Variants in WASL observed in about 807,000 individuals in gnomAD.
The protein encoded by WASL is WASP like actin nucleation promoting factor, also known as actin nucleation-promoting factor WASL.
A neutral mutation model predicts 55.5 loss-of-function variants in WASL; 20 were observed. That is an observed-to-expected ratio of 0.36 (90% CI 0.25 to 0.52). The LOEUF (loss-of-function observed/expected upper bound fraction) is 0.52, where lower values mean the gene tolerates loss of function less well. WASL is among the 20% of genes least tolerant of loss of function. The pLI is 0.92. For synonymous variants in WASL, 249 were observed against 217.6 expected, an observed-to-expected ratio of 1.14 and a Z score of -1.27; for missense variants, 504 against 622.5, an observed-to-expected ratio of 0.81 and a Z score of 2.03.
chr7:123,704,581 G>A, intron 5 of WASL, 53 bp downstream of exon 5: 3 of 1,397,546 alleles, frequency 2.1e-6, no homozygotes, highest in Non-Finnish European at 3.0e-6. Flanking sequence ...TTTCCACAAG[G>A]ATTAAACTGT....
At chr7:123,686,577 T>C (rs1449453199) in intron 10 of WASL, among the ~76,000 whole-genome samples, 1 of 152,048 alleles carries the variant, frequency 6.6e-6, no homozygotes, top group Non-Finnish European at 1.5e-5. Context: ...TTACATACTA[T>C]TAAAAAAAAA....
At chr7:123,730,350 A>T (rs1255326878) in intron 1 of WASL, among the ~76,000 whole-genome samples, 1 of 152,136 alleles carries the variant, frequency 6.6e-6, no homozygotes. Context: ...TTAAAATAAC[A>T]GTAGACACAA....
At chr7:123,722,339 T>C (rs920550379) in intron 1 of WASL, among the ~76,000 whole-genome samples, 1 of 152,168 alleles carries the variant, frequency 6.6e-6, no homozygotes, top group Non-Finnish European at 1.5e-5. Flanking sequence ...CACAAAGGAA[T>C]GTTCCTAATA....
intron 1 of WASL, among the ~76,000 whole-genome samples, chr7:123,737,675 T>C (rs1804261292): frequency 6.6e-6 from 1 of 151,594 alleles, no homozygotes; most frequent in Non-Finnish European, 1.5e-5. Context: ...ACTAGCCATT[T>C]ATAAAAATAA....
chr7:123,726,436 G>C (rs1804040915), intron 1 of WASL, among the ~76,000 whole-genome samples: 1 of 152,036 alleles, frequency 6.6e-6, no homozygotes, highest in Admixed American at 6.5e-5. Context: ...AGCAGCAGAA[G>C]ACTGTGACTG....
chr7:123,729,441 C>G (rs1251595115), intron 1 of WASL, among the ~76,000 whole-genome samples: 1 of 152,066 alleles, frequency 6.6e-6, no homozygotes, highest in Non-Finnish European at 1.5e-5. Flanking sequence ...GAGTAAGACA[C>G]AGTATTTTTT....
intron 5 of WASL, among the ~76,000 whole-genome samples, chr7:123,698,888 T>C (rs1032498475): frequency 6.6e-6 from 1 of 152,144 alleles, no homozygotes; most frequent in African/African-American, 2.4e-5. Context: ...GAGGGTTGAA[T>C]TGGGGTTACA....
In WASL at chr7:123,683,606, A is replaced by C. The variant is rs527534912; in HGVS notation, c.*913T>G. ...CAATCCACACAAAGTGCAAAATAAA[A>C]ATGCTAAAATTCTACAGTATTTTAG... On this transcript the variant is annotated 3_prime_UTR_variant, in exon 11 of 11. Transcript: ENST00000223023. The C allele has an allele frequency of 6.6e-6, 1 of 152,118 alleles. No individual in the cohort carries two copies. Among genetic ancestry groups the C allele is most frequent in the African/African-American group, 2.4e-5 (1 of 41,538 alleles). The allele number at this position is 152,118 out of a possible 1,614,324, so 9.4% of individuals were successfully genotyped here.
intron 5 of WASL, among the ~76,000 whole-genome samples, chr7:123,703,994 A>G (rs1211808941): frequency 6.6e-6 from 1 of 152,142 alleles, no homozygotes; most frequent in Non-Finnish European, 1.5e-5. Context: ...TAGAGTAAGA[A>G]TTTCTACCCC....
At position 123,682,510 on chromosome 7, in the gene WASL, A is replaced by C. The variant is rs1282569720; in HGVS notation, c.*2009T>G. 1.3e-5 allele frequency: 2 copies of C among 152,170 alleles called. No individual in the cohort carries two copies. Among genetic ancestry groups the C allele is most frequent in the African/African-American group, 4.8e-5 (2 of 41,442 alleles). 9.4% of individuals were successfully genotyped at this position (152,170 alleles called of 1,614,324 possible). Reference sequence around the variant, plus strand: ...CTCGAAGAATGGGTACTCTCTGCTGAGAGAAGTTCCTGATAAATATATATT... The same window carrying C: ...CTCGAAGAATGGGTACTCTCTGCTGCGAGAAGTTCCTGATAAATATATATT... On this transcript the variant is annotated 3_prime_UTR_variant, in exon 11 of 11. Coordinates refer to ENST00000223023, the MANE Select transcript of WASL (RefSeq NM_003941.4).
At chr7:123,733,570 G>T (rs1804175049) in intron 1 of WASL, among the ~76,000 whole-genome samples, 1 of 152,086 alleles carries the variant, frequency 6.6e-6, no homozygotes, top group African/African-American at 2.4e-5. Flanking sequence ...TGGATCTATA[G>T]ATTCAATAGA....
chr7:123,733,575 A>G (rs1221976844), intron 1 of WASL, among the ~76,000 whole-genome samples: 1 of 152,220 alleles, frequency 6.6e-6, no homozygotes, highest in Non-Finnish European at 1.5e-5. Context: ...CTATAGATTC[A>G]ATAGAATCCC....
chr7:123,697,421 G>A (rs1803511411), intron 5 of WASL, among the ~76,000 whole-genome samples: 1 of 152,070 alleles, frequency 6.6e-6, no homozygotes, highest in Admixed American at 6.6e-5. Context: ...CTTCAGAAGT[G>A]GTACTAAATG....
At chr7:123,722,554 A>T (rs1803965684) in intron 1 of WASL, among the ~76,000 whole-genome samples, 1 of 152,202 alleles carries the variant, frequency 6.6e-6, no homozygotes, top group African/African-American at 2.4e-5. Flanking sequence ...ATGGTGGCTC[A>T]CGCCTGTAAT....
intron 1 of WASL, among the ~76,000 whole-genome samples, chr7:123,717,085 G>A (rs1218321630): frequency 2.0e-5 from 3 of 151,848 alleles, no homozygotes; most frequent in Non-Finnish European, 2.9e-5. Flanking sequence ...TTTCTCTAAC[G>A]CCCCCTTTTG....
chr7:123,723,713 T>G (rs902394811), intron 1 of WASL, among the ~76,000 whole-genome samples: 1 of 152,192 alleles, frequency 6.6e-6, no homozygotes, highest in Non-Finnish European at 1.5e-5. Flanking sequence ...AGGAGAGGCT[T>G]GGAGTTCAGA....
At chr7:123,698,190 C>G (rs539001464) in intron 5 of WASL, among the ~76,000 whole-genome samples, 1 of 151,992 alleles carries the variant, frequency 6.6e-6, no homozygotes, top group African/African-American at 2.4e-5. Context: ...TGGTGAATCA[C>G]CACCTCTGAG....
chr7:123,682,370 T>G lies in WASL; in HGVS notation c.*2149A>C, dbSNP rs1045712790. ...CTGCTGTGTTTCAACCAACAGTAATTTAGACTTTTTGTAACAACAACCAAT... is the reference window on the plus strand; with the variant it reads ...CTGCTGTGTTTCAACCAACAGTAATGTAGACTTTTTGTAACAACAACCAAT... On this transcript the variant is annotated 3_prime_UTR_variant, in exon 11 of 11. Coordinates refer to ENST00000223023, the MANE Select transcript of WASL (RefSeq NM_003941.4). The G allele has an allele frequency of 6.6e-6, 1 of 152,162 alleles. No individual in the cohort carries two copies. Among genetic ancestry groups the G allele is most frequent in the African/African-American group, 2.4e-5 (1 of 41,432 alleles). 9.4% of individuals were successfully genotyped at this position (152,162 alleles called of 1,614,324 possible). A position where few individuals can be genotyped will look rare whatever the true frequency, so the allele number is the denominator to read the frequency against.
intron 1 of WASL, among the ~76,000 whole-genome samples, chr7:123,745,460 C>G (rs895281263): frequency 6.6e-6 from 1 of 152,096 alleles, no homozygotes; most frequent in African/African-American, 2.4e-5. Context: ...GAGAGAAATG[C>G]TGTACTAAAA....
Sources: allele counts gnomAD v4.1 joint callset (sites outside exome capture counted in the v4.1 genomes callset), GRCh38; gene constraint gnomAD v4.1.1; transcripts MANE v1.5; gene names NCBI Gene and HGNC (gene_info 2026-07-23, HGNC 2026-07-21).